Variants in CADPS2 observed in about 807,000 individuals in gnomAD.
CADPS2 encodes the protein calcium dependent secretion activator 2, also known as calcium-dependent secretion activator 2.
CADPS2 carries 93 observed loss-of-function variants against 172.5 expected under a neutral mutation model. That is an observed-to-expected ratio of 0.54 (90% confidence interval 0.46 to 0.64). The LOEUF (loss-of-function observed/expected upper bound fraction) is 0.64. Ranked by LOEUF, CADPS2 falls within the 30% of genes least tolerant of loss-of-function variation. The pLI is 0.00. For missense variants in CADPS2, 1,420 were observed against 1,565.9 expected (o/e 0.91, Z 1.57); for synonymous variants, 546 against 555.2 (o/e 0.98, Z 0.23).
intron 3 of CADPS2, among the ~76,000 whole-genome samples, chr7:122,648,093 A>G (rs1203893314): frequency 6.6e-6 from 1 of 152,044 alleles, no homozygotes; most frequent in Non-Finnish European, 1.5e-5. Context: ...ATCTTACCAG[A>G]CTTGGTAAGC....
At chr7:122,451,878 T>C (rs1367653136) in intron 14 of CADPS2, among the ~76,000 whole-genome samples, 2 of 152,162 alleles carry the variant, frequency 1.3e-5, no homozygotes, top group African/African-American at 2.4e-5. Flanking sequence ...CTCTTCCAAA[T>C]AATAATTCAG....
chr7:122,538,013 C>T (rs2062488681), intron 8 of CADPS2, among the ~76,000 whole-genome samples: 1 of 151,578 alleles, frequency 6.6e-6, no homozygotes, highest in Non-Finnish European at 1.5e-5. Context: ...TACTAAAAAA[C>T]TTGAAATGGC....
chr7:122,591,642 T>C (rs955326390), intron 6 of CADPS2, among the ~76,000 whole-genome samples: 21 of 152,152 alleles, frequency 1.4e-4, no homozygotes, highest in African/African-American at 4.6e-4. Context: ...AACAGAGATA[T>C]AGACCAATGG....
At chr7:122,489,964 T>C in intron 11 of CADPS2, 117 bp downstream of exon 11, 1 of 850,278 alleles carries the variant, frequency 1.2e-6, no homozygotes, top group South Asian at 1.8e-5. Flanking sequence ...TGAACTATTT[T>C]CATTTAATTA....
intron 2 of CADPS2, among the ~76,000 whole-genome samples, chr7:122,703,201 T>C (rs2086445928): frequency 6.6e-6 from 1 of 152,122 alleles, no homozygotes; most frequent in African/African-American, 2.4e-5. Flanking sequence ...AGACTGAAAA[T>C]CTACCCAGCC....
intron 6 of CADPS2, among the ~76,000 whole-genome samples, chr7:122,605,729 G>T (rs1235904140): frequency 2.0e-5 from 3 of 151,924 alleles, no homozygotes; most frequent in Non-Finnish European, 4.4e-5. Context: ...ATGCTCAAGT[G>T]ATCCAAAACA....
In CADPS2 at chr7:122,416,171, GA is replaced by G. The variant is rs138422764; in HGVS notation, c.2477-8del. ...GATGCCTGGTTCATGGTCTCTATAT[GA>G]AAAAAAATCATAATCATGTTACCTT... On this transcript the variant is annotated splice_region_variant and splice_polypyrimidine_tract_variant and intron_variant, in intron 17 of 29. Transcript: ENST00000449022. The G allele has an allele frequency of 2.9e-5, 43 of 1,482,040 alleles. No individual in the cohort carries two copies. Among genetic ancestry groups the G allele is most frequent in the South Asian group, 1.9e-4 (15 of 79,038 alleles). The allele number at this position is 1,482,040 out of a possible 1,614,324, so 91.8% of individuals were successfully genotyped here.
intron 14 of CADPS2, among the ~76,000 whole-genome samples, chr7:122,454,834 C>G (rs547342029): frequency 5.3e-5 from 8 of 152,088 alleles, no homozygotes; most frequent in Admixed American, 6.6e-5. Context: ...AAAACACACC[C>G]AGAATGTGAC....
At chr7:122,636,033 T>G (rs1563921103) in intron 3 of CADPS2, among the ~76,000 whole-genome samples, 2 of 152,176 alleles carry the variant, frequency 1.3e-5, no homozygotes, top group South Asian at 4.1e-4. Context: ...AGACAGTTGG[T>G]TCTTGTCTTT....
At chr7:122,659,605 T>C (rs893093730) in intron 3 of CADPS2, among the ~76,000 whole-genome samples, 6 of 151,826 alleles carry the variant, frequency 4.0e-5, no homozygotes, top group African/African-American at 9.7e-5. Flanking sequence ...CAGTGAACTT[T>C]CCAAAATTAA....
At chr7:122,509,517 A>C (rs1170135168) in intron 9 of CADPS2, among the ~76,000 whole-genome samples, 1 of 152,216 alleles carries the variant, frequency 6.6e-6, no homozygotes, top group African/African-American at 2.4e-5. Context: ...TCATGAGCAC[A>C]GGACTCAAAT....
chr7:122,321,225 G>T (rs948819255), intron 29 of CADPS2, among the ~76,000 whole-genome samples: 2 of 152,128 alleles, frequency 1.3e-5, no homozygotes, highest in African/African-American at 4.8e-5. Flanking sequence ...GGAGTACAGC[G>T]GTGTGATCAT....
At chr7:122,452,694 C>T (rs1179664225) in intron 14 of CADPS2, among the ~76,000 whole-genome samples, 1 of 152,184 alleles carries the variant, frequency 6.6e-6, no homozygotes, top group African/African-American at 2.4e-5. Context: ...CCGTGCCCAG[C>T]TTAGCTTATT....
At chr7:122,463,859 TGAAAA>T (rs1260117328) in intron 14 of CADPS2, among the ~76,000 whole-genome samples, 1 of 152,134 alleles carries the variant, frequency 6.6e-6, no homozygotes, top group African/African-American at 2.4e-5. Context: ...TTCTCACTGT[TGAAAA>T]GATAAGTTAA....
rs1030196873 is a variant in CADPS2, at chr7:122,373,867, C to A, written c.3387+5501G>T. On this transcript the variant is annotated intron_variant, in intron 25 of 29. Transcript: ENST00000449022. Reference sequence around the variant, plus strand: ...TCTCTTTAAACACTACCAAAAAAAACCCCAAAAAACAGAAGAGGGAACACT... The same window carrying A: ...TCTCTTTAAACACTACCAAAAAAAAACCCAAAAAACAGAAGAGGGAACACT... 3.3e-5 allele frequency among the ~76,000 whole-genome samples: 5 copies of A among 151,990 alleles called. No homozygotes were observed. The South Asian group carries it at 8.3e-4, about 25-fold the overall frequency.
intron 3 of CADPS2, among the ~76,000 whole-genome samples, chr7:122,640,940 A>C (rs904316430): frequency 3.3e-5 from 5 of 152,018 alleles, no homozygotes; most frequent in Admixed American, 1.3e-4. Context: ...TCTCAAAAAA[A>C]AAAAAAAAAA....
intron 25 of CADPS2, among the ~76,000 whole-genome samples, chr7:122,372,353 T>A (rs1468344001): frequency 1.3e-5 from 2 of 152,148 alleles, no homozygotes; most frequent in Non-Finnish European, 2.9e-5. Context: ...GCCCAAGAAG[T>A]AACAGCATTT....
In CADPS2 at chr7:122,800,506, A is replaced by T. The variant is rs78709274; in HGVS notation, c.340-63438T>A. 3.7e-3 allele frequency among the ~76,000 whole-genome samples: 556 copies of T among 152,292 alleles called. 10 individuals are homozygous for T. The highest frequency in any genetic ancestry group is 0.024 in the Admixed American group (372 of 15,304). The stretch of plus-strand genomic sequence containing the variant: ...ACCCTGGGATCTTCTTAAAATTGAG[A>T]TTCTAAAGTAGTAGATGTAGGTTGG... On this transcript the variant is annotated intron_variant, in intron 1 of 29. Coordinates refer to ENST00000449022, the MANE Select transcript of CADPS2 (RefSeq NM_017954.11).
intron 1 of CADPS2, among the ~76,000 whole-genome samples, chr7:122,809,171 G>A (rs1799454286): frequency 6.6e-6 from 1 of 152,006 alleles, no homozygotes; most frequent in African/African-American, 2.4e-5. Flanking sequence ...TACCAAAATG[G>A]CAAAGTTAAA....
Sources: allele counts gnomAD v4.1 joint callset (sites outside exome capture counted in the v4.1 genomes callset), GRCh38; gene constraint gnomAD v4.1.1; transcripts MANE v1.5; gene names NCBI Gene and HGNC (gene_info 2026-07-23, HGNC 2026-07-21).